DNAH2: variants seen among roughly 807,000 people sequenced by gnomAD.
DNAH2 encodes dynein axonemal heavy chain 2, also known as axonemal beta dynein heavy chain 2.
Under a neutral mutation model 523.5 loss-of-function variants are expected in DNAH2, and 323 were observed. The observed-to-expected ratio is 0.62, with a 90% CI of 0.56 to 0.68. DNAH2 has a LOEUF of 0.68. DNAH2 is among the 30% of genes least tolerant of loss of function. The pLI, the probability that DNAH2 is intolerant of heterozygous loss-of-function variation, is 0.00. For missense variants in DNAH2, 4,907 were observed against 5,701.5 expected (o/e 0.86, Z 4.49); for synonymous variants, 2,093 against 2,177.4 (o/e 0.96, Z 1.08).
chr17:7,793,317 C>A, intron 48 of DNAH2, 112 bp downstream of exon 48: 1 of 1,112,142 alleles, frequency 9.0e-7, no homozygotes. Context: ...TTCCTTCCCA[C>A]ACAGGAGCGT....
intron 72 of DNAH2, among the ~76,000 whole-genome samples, chr17:7,820,946 G>A (rs990852015): frequency 3.3e-5 from 5 of 152,154 alleles, no homozygotes; most frequent in African/African-American, 1.2e-4. Flanking sequence ...GCCTGACGCA[G>A]GAGAATCGCT....
intron 50 of DNAH2, 137 bp downstream of exon 50, chr17:7,796,789 C>A: frequency 9.6e-7 from 1 of 1,042,184 alleles, no homozygotes; most frequent in Non-Finnish European, 1.3e-6. Flanking sequence ...ACTCCCTGGC[C>A]TTACCTTTAA....
intron 39 of DNAH2, among the ~76,000 whole-genome samples, chr17:7,784,670 T>C (rs2076688650): frequency 6.6e-6 from 1 of 152,134 alleles, no homozygotes; most frequent in Admixed American, 6.6e-5. Flanking sequence ...GCCTCAAAAA[T>C]GTCAAAGGAA....
Position 7,786,492 on chromosome 17 carries a change from C to A in DNAH2, c.6349-78C>A. On this transcript the variant is annotated intron_variant, in intron 40 of 85. Transcript: ENST00000572933. This position sits in a 1 kb window ranked among gnomAD's most constrained non-coding sequence, Gnocchi z 7.5. ...AGCGATGAGAGAAGGGACAAATGCA[C>A]GTACCTAAGAGGGGTCTGGAAATAA... The A allele has an allele frequency of 3.4e-6, 5 of 1,478,868 alleles. No homozygotes were observed. Among genetic ancestry groups the A allele is most frequent in the Non-Finnish European group, 3.7e-6 (4 of 1,070,962 alleles). 91.6% of individuals were successfully genotyped at this position (1,478,868 alleles called of 1,614,324 possible). A position where few individuals can be genotyped will look rare whatever the true frequency, so the allele number is the denominator to read the frequency against.
At chr17:7,808,894 G>A (rs1160049422) in intron 63 of DNAH2, among the ~76,000 whole-genome samples, 1 of 152,226 alleles carries the variant, frequency 6.6e-6, no homozygotes, top group Admixed American at 6.5e-5. Flanking sequence ...ACAGGCATGA[G>A]CCACTGCCCC....
At chr17:7,752,135 C>A (rs1293990354) in intron 12 of DNAH2, among the ~76,000 whole-genome samples, 1 of 121,450 alleles carries the variant, frequency 8.2e-6, no homozygotes, top group East Asian at 3.0e-4. Context: ...TTATTTAAGT[C>A]CTGCCTTTTC....
chr17:7,762,765 C>T (rs1192770735), intron 18 of DNAH2, among the ~76,000 whole-genome samples: 2 of 152,066 alleles, frequency 1.3e-5, no homozygotes, highest in Non-Finnish European at 2.9e-5. Context: ...AGATCTGCAA[C>T]ATAGGCACAG....
Position 7,833,474 on chromosome 17 carries a change from ATGACACCTGATCAT to A in DNAH2, c.13228_13241del (p.Thr4410AspfsTer32). On this transcript the variant is annotated frameshift_variant, in exon 86 of 86. Transcript: ENST00000572933. LOFTEE classifies it high-confidence loss of function. The stretch of plus-strand genomic sequence containing the variant: ...CGGCATTGACCTGCGGTCTGGGGCC[ATGACACCTGATCAT>A]TGGATCAAGAGGGGCACTGCTCTAC... The A allele has an allele frequency of 6.2e-7, 1 of 1,614,144 alleles. No homozygotes were observed. The highest frequency in any genetic ancestry group is 8.5e-7 in the Non-Finnish European group (1 of 1,180,034).
Position 7,754,841 on chromosome 17 carries a change from G to A in DNAH2, c.1905-2250G>A. 1 of 693,048 alleles carries A rather than the reference G, an allele frequency of 1.4e-6. No homozygotes were observed. The highest frequency in any genetic ancestry group is 1.6e-5 in the South Asian group (1 of 61,956). 42.9% of individuals were successfully genotyped at this position (693,048 alleles called of 1,614,324 possible). On this transcript the variant is annotated intron_variant, in intron 12 of 85. Coordinates refer to ENST00000572933, the MANE Select transcript of DNAH2 (RefSeq NM_020877.5). This position sits in a 1 kb window ranked among gnomAD's most constrained non-coding sequence, Gnocchi z 4.6. ...CCAAAGCTGCCCAGTGCCCTACAAA[G>A]ACTTCAGAGTAGATATCTCTGTCTG...
chr17:7,826,240 G>A (rs1348564587), intron 77 of DNAH2, among the ~76,000 whole-genome samples: 6 of 152,120 alleles, frequency 3.9e-5, no homozygotes, highest in Non-Finnish European at 7.4e-5. Flanking sequence ...GGCTGGTCTC[G>A]AACTCCTGAC....
intron 69 of DNAH2, 60 bp from the exon 70 acceptor site, chr17:7,818,583 A>G: frequency 6.2e-7 from 1 of 1,606,696 alleles, no homozygotes. Flanking sequence ...GTGGAAAGAG[A>G]TGAGGAAGGT....
In DNAH2 at chr17:7,823,932, A is replaced by G. The variant is rs762593372; in HGVS notation, c.11428A>G (p.Thr3810Ala). 1.3e-5 allele frequency: 21 copies of G among 1,613,562 alleles called. No homozygotes were observed. The South Asian group carries it at 2.2e-4, about 17-fold the overall frequency. Residue 3810 changes from threonine (T) to alanine (A), a missense_variant, in exon 75 of 86, where the codon ACC becomes GCC. By Grantham distance (58) the Thr-to-Ala change is moderately conservative. Transcript: ENST00000572933. ...VAFCVTSFII[T>A]NLGSRFIEPP... ...CTTCTGCGTGACCTCCTTCATCATC[A>G]CCAACCTTGGCTCCCGCTTCATCGA...
At chr17:7,753,279 G>A (rs185987085) in intron 12 of DNAH2, among the ~76,000 whole-genome samples, 5 of 152,224 alleles carry the variant, frequency 3.3e-5, no homozygotes, top group African/African-American at 1.2e-4. Flanking sequence ...CATTGAGTTT[G>A]AGGTGCTTGT....
chr17:7,805,276 G>A lies in DNAH2; in HGVS notation c.9325G>A (p.Asp3109Asn). The change falls in exon 61 of 86, where the codon GAT becomes AAT. Residue 3109 changes from aspartate (D) to asparagine (N), a missense_variant. Around this residue, in one of 3 missense-constraint regions of DNAH2, gnomAD observed 1,851 missense variants for 2,139.4 expected, o/e 0.87. Coordinates refer to ENST00000572933, the MANE Select transcript of DNAH2 (RefSeq NM_020877.5). Reference sequence around the variant, plus strand: ...GGCCCTGGAGTCTCTGAACAAGAAGGATATAGGAGAGATCAAGTCTTATGG... The same window carrying A: ...GGCCCTGGAGTCTCTGAACAAGAAGAATATAGGAGAGATCAAGTCTTATGG... The part of the protein sequence containing the change: ...MRALESLNKK[D>N]IGEIKSYGRP... The A allele has an allele frequency of 6.2e-7, 1 of 1,614,208 alleles. No homozygotes were observed. The highest frequency in any genetic ancestry group is 8.5e-7 in the Non-Finnish European group (1 of 1,180,036).
chr17:7,766,540 T>C, intron 22 of DNAH2, 59 bp downstream of exon 22: 1 of 1,555,598 alleles, frequency 6.4e-7, no homozygotes, highest in Non-Finnish European at 8.7e-7. Flanking sequence ...GACAGGAGAA[T>C]GGGTCCTTAG....
chr17:7,796,764 A>C, intron 50 of DNAH2, 112 bp downstream of exon 50: 29 of 1,182,420 alleles, frequency 2.5e-5, no homozygotes, highest in Non-Finnish European at 3.3e-5. Flanking sequence ...AGTCACCCCC[A>C]TGCTGAAGTG....
chr17:7,775,103 G>T, intron 29 of DNAH2, 127 bp downstream of exon 29: 1 of 1,263,476 alleles, frequency 7.9e-7, no homozygotes, highest in East Asian at 2.4e-5. Context: ...TCAATTCTCA[G>T]GGGGATAGAA....
chr17:7,742,585 C>T (rs1024972418), intron 11 of DNAH2, among the ~76,000 whole-genome samples: 3 of 152,146 alleles, frequency 2.0e-5, no homozygotes, highest in Non-Finnish European at 4.4e-5. Context: ...TGGACTACGC[C>T]CAGGCTAGGA....
chr17:7,789,071 G>C, intron 44 of DNAH2, among the ~76,000 whole-genome samples: 1 of 152,198 alleles, frequency 6.6e-6, no homozygotes, highest in Non-Finnish European at 1.5e-5. Flanking sequence ...GGCTGAGACA[G>C]GACAATCGCT....
Sources: gnomAD v4.1 joint callset for allele counts (sites outside exome capture counted in the v4.1 genomes callset) on GRCh38, gnomAD v4.1.1 for gene constraint, gnomAD v4.1.1 regional missense constraint, Gnocchi (gnomAD v3.1) non-coding constraint, MANE v1.5 for transcripts, NCBI Gene and HGNC (gene_info 2026-07-23, HGNC 2026-07-21) for gene names.